TMT1A: variants seen among roughly 807,000 people sequenced by gnomAD.
TMT1A encodes the protein thiol methyltransferase 1A.
chr12:50,929,904 T>C, the TMT1A span: 2 of 1,559,416 alleles, frequency 1.3e-6, no homozygotes, highest in Non-Finnish European at 1.7e-6. Flanking sequence ...TTTTTTTCTT[T>C]CTTTCTCAGG....
the TMT1A span, chr12:50,925,553 G>C: frequency 1.2e-4 from 200 of 1,607,772 alleles, no homozygotes; most frequent in African/African-American, 2.5e-3. Context: ...GAAAGGGTGT[G>C]AGGAGGACTA....
At chr12:50,927,667 G>A in the TMT1A span, among the ~76,000 whole-genome samples, 1 of 152,132 alleles carries the variant, frequency 6.6e-6, no homozygotes, top group East Asian at 1.9e-4. Context: ...CTCTCTGCTG[G>A]ATATAACAAG....
the TMT1A span, among the ~76,000 whole-genome samples, chr12:50,926,247 A>G: frequency 2.0e-5 from 3 of 152,132 alleles, no homozygotes; most frequent in Non-Finnish European, 2.9e-5. Flanking sequence ...AGAAATGTAA[A>G]CCAATTATAG....
the TMT1A span, among the ~76,000 whole-genome samples, chr12:50,928,289 C>T: frequency 6.6e-6 from 1 of 152,206 alleles, no homozygotes; most frequent in African/African-American, 2.4e-5. Flanking sequence ...TGCTCCTTAG[C>T]TCAGCTAGGT....
chr12:50,925,494 C>T, the TMT1A span: 1 of 1,614,014 alleles, frequency 6.2e-7, no homozygotes, highest in East Asian at 2.2e-5. Context: ...CTGTGAAGAA[C>T]CAGGAGCGGA....
the TMT1A span, among the ~76,000 whole-genome samples, chr12:50,928,801 C>T: frequency 1.3e-5 from 2 of 152,094 alleles, no homozygotes; most frequent in East Asian, 3.8e-4. Flanking sequence ...TCTTCTGACC[C>T]CAAACCTTCA....
chr12:50,925,659 A>T, the TMT1A span: 1 of 1,163,264 alleles, frequency 8.6e-7, no homozygotes, highest in Non-Finnish European at 1.2e-6. Flanking sequence ...AATACTGTAG[A>T]ATTTTTTAAA....
At chr12:50,926,045 A>AAAGG in the TMT1A span, among the ~76,000 whole-genome samples, 68 of 126,246 alleles carry the variant, frequency 5.4e-4, no homozygotes, top group African/African-American at 1.9e-3. Context: ...AAAAAGAAAG[A>AAAGG]AAGAAAAAAA....
the TMT1A span, among the ~76,000 whole-genome samples, chr12:50,929,068 T>C: frequency 6.6e-6 from 1 of 150,676 alleles, no homozygotes; most frequent in Admixed American, 6.6e-5. Flanking sequence ...CGAAACTCTG[T>C]CTCTATAAAA....
chr12:50,926,532 G>A, the TMT1A span, among the ~76,000 whole-genome samples: 1 of 152,306 alleles, frequency 6.6e-6, no homozygotes, highest in South Asian at 2.1e-4. Context: ...TAACTGAAAT[G>A]TCTATCAATA....
the TMT1A span, chr12:50,925,528 C>T: frequency 3.1e-6 from 5 of 1,612,468 alleles, no homozygotes; most frequent in Non-Finnish European, 4.2e-6. Flanking sequence ...GTGCAGAGTG[C>T]TGAGACCGGT....
chr12:50,927,181 C>A, the TMT1A span, among the ~76,000 whole-genome samples: 1 of 152,122 alleles, frequency 6.6e-6, no homozygotes, highest in African/African-American at 2.4e-5. Context: ...GCATGCACCA[C>A]CACACCCAGC....
the TMT1A span, among the ~76,000 whole-genome samples, chr12:50,926,077 C>T: frequency 6.8e-6 from 1 of 147,754 alleles, no homozygotes; most frequent in Non-Finnish European, 1.5e-5. Context: ...AAAAAACTCC[C>T]CAAAACAAAG....
chr12:50,925,656 T>C, the TMT1A span: 1 of 1,192,898 alleles, frequency 8.4e-7, no homozygotes, highest in Admixed American at 2.9e-5. Context: ...GAAAATACTG[T>C]AGAATTTTTT....
At chr12:50,929,459 C>G in the TMT1A span, among the ~76,000 whole-genome samples, 2 of 152,302 alleles carry the variant, frequency 1.3e-5, no homozygotes, top group African/African-American at 4.8e-5. Context: ...GCTCCTTACT[C>G]CCCTCAGAGG....
chr12:50,929,334 T>G, the TMT1A span, among the ~76,000 whole-genome samples: 1 of 152,214 alleles, frequency 6.6e-6, no homozygotes, highest in Non-Finnish European at 1.5e-5. Context: ...ACTCCATCAC[T>G]AAACTGAATT....
At chr12:50,930,392 G>T in the TMT1A span, 1 of 313,892 alleles carries the variant, frequency 3.2e-6, no homozygotes, top group South Asian at 6.1e-5. Flanking sequence ...CGATTCTTCT[G>T]CCTCAGCCTC....
the TMT1A span, chr12:50,925,133 G>T: frequency 6.2e-7 from 1 of 1,613,998 alleles, no homozygotes; most frequent in Non-Finnish European, 8.5e-7. Flanking sequence ...AGCTGGATAT[G>T]CAAAAAATGG....
At chr12:50,928,176 G>A in the TMT1A span, among the ~76,000 whole-genome samples, 1 of 152,146 alleles carries the variant, frequency 6.6e-6, no homozygotes, top group African/African-American at 2.4e-5. Context: ...TGTTATTGGG[G>A]TTTTCATCTT....
Sources: allele counts gnomAD v4.1 joint callset (sites outside exome capture counted in the v4.1 genomes callset), GRCh38; gene constraint gnomAD v4.1.1; transcripts MANE v1.5; gene names NCBI Gene and HGNC (gene_info 2026-07-23, HGNC 2026-07-21).